The following CENPP variants were observed in gnomAD, a reference collection of about 807,000 sequenced individuals.
The protein encoded by CENPP is centromere protein P.
CENPP carries 24 observed loss-of-function variants against 35.6 expected under a neutral mutation model. The observed-to-expected ratio is 0.67, with a 90% CI of 0.49 to 0.95. The LOEUF (loss-of-function observed/expected upper bound fraction) is 0.95, where lower values mean the gene tolerates loss of function less well. Among genes scored for constraint, CENPP ranks in the 40% least tolerant of loss-of-function variants. The probability of loss-of-function intolerance (pLI) is 0.00; values close to 1 mark genes in which losing one functional copy is unlikely to be tolerated. For synonymous variants in CENPP, 120 were observed against 125.5 expected (o/e 0.96, Z 0.29); for missense variants, 332 against 345.3 (o/e 0.96, Z 0.31).
chr9:92,387,416 C>G (rs914886750), intron 5 of CENPP, among the ~76,000 whole-genome samples: 3 of 151,966 alleles, frequency 2.0e-5, no homozygotes, highest in African/African-American at 7.2e-5. Flanking sequence ...AAGATGTTTC[C>G]CAAAGCAGTT....
chr9:92,454,601 G>A (rs1272267526), intron 5 of CENPP, among the ~76,000 whole-genome samples: 1 of 152,042 alleles, frequency 6.6e-6, no homozygotes, highest in Non-Finnish European at 1.5e-5. Context: ...GATTATTATA[G>A]TATTGTTTTC....
Position 92,552,794 on chromosome 9 carries a change from C to G in CENPP, c.565-58520C>G, listed in dbSNP as rs543316265. On this transcript the variant is annotated intron_variant, in intron 5 of 7. Transcript: ENST00000375587. ...GATTTTCTCCCACTCTGTGGGTTGT[C>G]TGTTTACTCTGCTGACTGTTCCTTT... 3.9e-5 allele frequency among the ~76,000 whole-genome samples: 6 copies of G among 152,224 alleles called. No homozygotes were observed. In the East Asian group the frequency reaches 1.2e-3, roughly 29 times the overall value.
At chr9:92,412,481 A>G (rs529214361) in intron 5 of CENPP, among the ~76,000 whole-genome samples, 26 of 152,168 alleles carry the variant, frequency 1.7e-4, no homozygotes, top group Non-Finnish European at 3.1e-4. Flanking sequence ...CAAAAAAGAA[A>G]CCATATACCC....
chr9:92,481,561 A>C (rs1234479605), intron 5 of CENPP, among the ~76,000 whole-genome samples: 1 of 152,190 alleles, frequency 6.6e-6, no homozygotes. Context: ...ACATTGCTTA[A>C]ATTTTTTAAT....
At chr9:92,546,188 T>C (rs1849440116) in intron 5 of CENPP, among the ~76,000 whole-genome samples, 1 of 152,176 alleles carries the variant, frequency 6.6e-6, no homozygotes. Flanking sequence ...CACCAGTCAG[T>C]ACCCTGTCAA....
At chr9:92,548,416 T>C (rs1849518720) in intron 5 of CENPP, among the ~76,000 whole-genome samples, 1 of 152,214 alleles carries the variant, frequency 6.6e-6, no homozygotes, top group South Asian at 2.1e-4. Flanking sequence ...GAGTCCCAAT[T>C]AGGGGGTTGT....
chr9:92,515,769 G>A lies in CENPP; in HGVS notation c.565-95545G>A, dbSNP rs1563980448. Among the ~76,000 whole-genome samples the A allele has an allele frequency of 2.0e-5, 3 of 152,228 alleles. No individual in the cohort carries two copies. The South Asian group carries it at 6.2e-4, about 31-fold the overall frequency. On this transcript the variant is annotated intron_variant, in intron 5 of 7. Coordinates refer to ENST00000375587, the MANE Select transcript of CENPP (RefSeq NM_001012267.3). ...CCTCTGAAATTCAGAATTATAGAGA[G>A]AGAGTTTTCCTCCTTCTCTGTCCCA...
At chr9:92,377,936 G>A (rs1121979) in intron 4 of CENPP, among the ~76,000 whole-genome samples, 61,555 of 151,970 alleles carry the variant, frequency 0.41, 14,720 homozygotes, top group African/African-American at 0.66. Flanking sequence ...AAAGATTCTT[G>A]TCTGAAGGCT....
At chr9:92,545,232 G>T (rs575142403) in intron 5 of CENPP, among the ~76,000 whole-genome samples, 1 of 152,160 alleles carries the variant, frequency 6.6e-6, no homozygotes, top group South Asian at 2.1e-4. Context: ...ACCTGGGATG[G>T]CCGAGGCCGG....
chr9:92,371,870 GT>G (rs755831563), intron 4 of CENPP, among the ~76,000 whole-genome samples: 4,539 of 138,930 alleles, frequency 0.033, 73 homozygotes, highest in Non-Finnish European at 0.045. Context: ...ATTTGTTGTT[GT>G]TTTTTTTTTT....
intron 4 of CENPP, among the ~76,000 whole-genome samples, chr9:92,360,731 G>T (rs1841724780): frequency 6.6e-6 from 1 of 151,316 alleles, no homozygotes; most frequent in Admixed American, 6.6e-5. Context: ...TTTTGAGATG[G>T]AGTCTTGCTG....
At chr9:92,415,075 A>G (rs1843549224) in intron 5 of CENPP, 3 of 1,089,052 alleles carry the variant, frequency 2.8e-6, no homozygotes, top group Non-Finnish European at 3.9e-6. Flanking sequence ...TACTTTGAGT[A>G]ATACATGTTT....
intron 5 of CENPP, among the ~76,000 whole-genome samples, chr9:92,521,311 C>T (rs1172633586): frequency 6.6e-6 from 1 of 152,082 alleles, no homozygotes. Context: ...TATAGCTTAG[C>T]CATCTTTCCA....
chr9:92,618,334 C>A lies in CENPP; in HGVS notation c.*5185C>A, dbSNP rs1174219721. On this transcript the variant is annotated 3_prime_UTR_variant, in exon 8 of 8. Coordinates refer to ENST00000375587, the MANE Select transcript of CENPP (RefSeq NM_001012267.3). ...TCCTAGTGTCGTTTCTGCTGAGCAG[C>A]TGGTCGTAAGGACCCGGGCCTTCAG... 1 of 456,778 alleles carries A rather than the reference C, an allele frequency of 2.2e-6. No individual in the cohort carries two copies. 28.3% of individuals were successfully genotyped at this position (456,778 alleles called of 1,614,324 possible).
intron 4 of CENPP, among the ~76,000 whole-genome samples, chr9:92,367,843 T>C (rs961166703): frequency 6.6e-6 from 1 of 152,192 alleles, no homozygotes; most frequent in African/African-American, 2.4e-5. Flanking sequence ...TTCAAACTCC[T>C]GACCTCAGGC....
At chr9:92,389,696 G>T in intron 5 of CENPP, 1 of 568,876 alleles carries the variant, frequency 1.8e-6, no homozygotes, top group East Asian at 2.9e-5. Flanking sequence ...GGCTGAATGA[G>T]CCTAATAGGA....
intron 4 of CENPP, among the ~76,000 whole-genome samples, chr9:92,370,395 T>C (rs1295490614): frequency 1.3e-5 from 2 of 152,186 alleles, no homozygotes; most frequent in African/African-American, 2.4e-5. Context: ...GGAGGATAAA[T>C]ATTAGTTCTT....
chr9:92,581,925 T>G (rs560969889), intron 5 of CENPP, among the ~76,000 whole-genome samples: 6 of 152,332 alleles, frequency 3.9e-5, no homozygotes, highest in Non-Finnish European at 8.8e-5. Context: ...AGACATCCAT[T>G]TGTTTAGACT....
intron 4 of CENPP, among the ~76,000 whole-genome samples, chr9:92,357,192 CTTTT>C (rs567091851): frequency 2.0e-5 from 3 of 149,698 alleles, no homozygotes; most frequent in Non-Finnish European, 3.0e-5. Context: ...TTTATTGAGT[CTTTT>C]TTTTTGTTTT....
Sources: gnomAD v4.1 joint callset for allele counts (sites outside exome capture counted in the v4.1 genomes callset) on GRCh38, gnomAD v4.1.1 for gene constraint, MANE v1.5 for transcripts, NCBI Gene and HGNC (gene_info 2026-07-23, HGNC 2026-07-21) for gene names.